TRAPPC9: variants seen among roughly 807,000 people sequenced by gnomAD.
TRAPPC9 encodes IKK2 binding protein.
A neutral mutation model predicts 124.0 loss-of-function variants in TRAPPC9; 83 were observed. The ratio of observed to expected loss-of-function variants is 0.67; its 90% CI spans 0.56 to 0.80. The LOEUF (loss-of-function observed/expected upper bound fraction) is 0.80, where lower values mean the gene tolerates loss of function less well. Ranked by LOEUF, TRAPPC9 falls within the 30% of genes least tolerant of loss-of-function variation. The pLI, the probability that TRAPPC9 is intolerant of heterozygous loss-of-function variation, is 0.00. For synonymous variants in TRAPPC9, 638 were observed against 617.5 expected, an observed-to-expected ratio of 1.03 and a Z score of -0.49; for missense variants, 1,302 against 1,508.3, an observed-to-expected ratio of 0.86 and a Z score of 2.27.
intron 17 of TRAPPC9, among the ~76,000 whole-genome samples, chr8:140,183,885 AGAAGAGGAGAGGAGAGGAGAGGAGAG>A (rs1380941558): frequency 2.8e-4 from 6 of 21,544 alleles, no homozygotes; most frequent in Admixed American, 2.3e-3. Flanking sequence ...AAGAAGAAGA[AGAAGAGGAGAGGAGAGGAGAGGAGAG>A]GAGAGGAGAG....
chr8:139,922,180 T>A (rs899465136), intron 19 of TRAPPC9, among the ~76,000 whole-genome samples: 6 of 145,224 alleles, frequency 4.1e-5, no homozygotes, highest in African/African-American at 1.3e-4. Context: ...TGAAATGGTT[T>A]GGTGTTTTTT....
intron 4 of TRAPPC9, among the ~76,000 whole-genome samples, chr8:140,430,888 C>T (rs1384340327): frequency 6.6e-6 from 1 of 152,086 alleles, no homozygotes; most frequent in Non-Finnish European, 1.5e-5. Flanking sequence ...GATCCATGCA[C>T]TGTGGCCTCC....
At chr8:139,744,795 TGAG>T (rs774093845) in intron 21 of TRAPPC9, among the ~76,000 whole-genome samples, 1 of 152,258 alleles carries the variant, frequency 6.6e-6, no homozygotes, top group Non-Finnish European at 1.5e-5. Context: ...GAACAGCTCC[TGAG>T]GAGCTGTTGG....
At chr8:140,131,590 C>T (rs910553247) in intron 17 of TRAPPC9, among the ~76,000 whole-genome samples, 1 of 152,230 alleles carries the variant, frequency 6.6e-6, no homozygotes, top group Non-Finnish European at 1.5e-5. Context: ...CTGCACACCG[C>T]TTCTCCTAGA....
intron 19 of TRAPPC9, among the ~76,000 whole-genome samples, chr8:139,939,285 A>G (rs1833749993): frequency 6.6e-6 from 1 of 152,194 alleles, no homozygotes; most frequent in Non-Finnish European, 1.5e-5. Context: ...GGAGAGGTCA[A>G]GGAGCATAGG....
chr8:140,297,828 G>A (rs541407906), intron 11 of TRAPPC9, among the ~76,000 whole-genome samples: 4 of 152,354 alleles, frequency 2.6e-5, no homozygotes, highest in South Asian at 4.1e-4. Flanking sequence ...AACTTCTCAC[G>A]TTTGTGTCTT....
chr8:140,165,819 C>G (rs939243547), intron 17 of TRAPPC9, among the ~76,000 whole-genome samples: 8 of 152,144 alleles, frequency 5.3e-5, no homozygotes, highest in Admixed American at 5.2e-4. Context: ...GCCACTCTAT[C>G]CTGGTGCCTC....
intron 21 of TRAPPC9, among the ~76,000 whole-genome samples, chr8:139,798,992 C>T (rs1018493818): frequency 3.3e-5 from 5 of 152,130 alleles, no homozygotes; most frequent in Non-Finnish European, 4.4e-5. Flanking sequence ...CCAATCGTGG[C>T]CTCCTACTCT....
intron 21 of TRAPPC9, among the ~76,000 whole-genome samples, chr8:139,773,627 C>T (rs1161123886): frequency 4.6e-5 from 7 of 152,200 alleles, no homozygotes; most frequent in African/African-American, 1.7e-4. Flanking sequence ...ACCTTCCCCA[C>T]AGCCCCCACC....
At chr8:140,205,805 C>G (rs772635304) in intron 17 of TRAPPC9, among the ~76,000 whole-genome samples, 7 of 152,338 alleles carry the variant, frequency 4.6e-5, no homozygotes, top group African/African-American at 1.7e-4. Context: ...GAGTCACCAT[C>G]TGCCCAACCA....
rs551076226 is a variant in TRAPPC9 at position 140,007,552 on chromosome 8, A to AGAGAAC, written c.2699+16379_2699+16384dup. ...CTACAATGATTAAACAAAGAAACGA[A>AGAGAAC]GAGAACTTTAAAAATGCAAAATGCA... On this transcript the variant is annotated intron_variant, in intron 18 of 22. Transcript: ENST00000438773. Among the ~76,000 whole-genome samples, 643 of 152,348 alleles carry AGAGAAC rather than the reference A, an allele frequency of 4.2e-3. 2 individuals carry two copies. Among genetic ancestry groups the AGAGAAC allele is most frequent in the Middle Eastern group, 0.01 (3 of 294 alleles).
rs149499672 is a variant in TRAPPC9 at position 140,226,020 on chromosome 8, C to T, written c.2432-4437G>A. Reference sequence around the variant, plus strand: ...TTCTGGAAATGGTCAGAAGTTTTGGCCTGTAGAGGAAAGCAGAGTGAACAT... The same window carrying T: ...TTCTGGAAATGGTCAGAAGTTTTGGTCTGTAGAGGAAAGCAGAGTGAACAT... On this transcript the variant is annotated intron_variant, in intron 16 of 22. Transcript: ENST00000438773. Among the ~76,000 whole-genome samples, 516 of 152,238 alleles carry T rather than the reference C, an allele frequency of 3.4e-3. 1 individual carries two copies. The highest frequency in any genetic ancestry group is 5.5e-3 in the Non-Finnish European group (375 of 68,018).
chr8:139,835,991 C>T (rs1329091336), intron 21 of TRAPPC9, among the ~76,000 whole-genome samples: 1 of 148,898 alleles, frequency 6.7e-6, no homozygotes, highest in Admixed American at 6.7e-5. Context: ...GGGTGTAGCA[C>T]AAAGGGAAGC....
intron 10 of TRAPPC9, chr8:140,302,758 T>C (rs1249840296): frequency 6.6e-6 from 1 of 152,232 alleles, no homozygotes; most frequent in African/African-American, 2.4e-5. Context: ...GGGTGGGGAC[T>C]ACGACTGGCC....
Position 139,991,814 on chromosome 8 carries a change from C to T in TRAPPC9, c.2700-2978G>A, listed in dbSNP as rs1294205131. Among the ~76,000 whole-genome samples the T allele has an allele frequency of 5.3e-5, 8 of 151,960 alleles. No individual in the cohort carries two copies. The East Asian group carries it at 1.3e-3, about 26-fold the overall frequency. On this transcript the variant is annotated intron_variant, in intron 18 of 22. Coordinates refer to ENST00000438773, the MANE Select transcript of TRAPPC9 (RefSeq NM_001160372.4). ...AGGCTGCCAGGTGAAAAAAATAAGC[C>T]CTTTTTCAGCAAAGAGAGCAGTTAC...
chr8:140,085,455 C>A (rs917916234), intron 17 of TRAPPC9, among the ~76,000 whole-genome samples: 2 of 151,904 alleles, frequency 1.3e-5, no homozygotes, highest in African/African-American at 4.8e-5. Flanking sequence ...ACCATCCTTT[C>A]TTTTCCATGC....
intron 16 of TRAPPC9, 128 bp from the exon 17 acceptor site, chr8:140,221,711 C>T: frequency 7.7e-7 from 1 of 1,299,390 alleles, no homozygotes; most frequent in Non-Finnish European, 1.1e-6. Context: ...AATCTCTGCT[C>T]ACTGCAACCT....
At chr8:140,429,625 G>A (rs1237814183) in intron 4 of TRAPPC9, among the ~76,000 whole-genome samples, 3 of 151,938 alleles carry the variant, frequency 2.0e-5, no homozygotes, top group Admixed American at 6.6e-5. Context: ...GGCCAACATG[G>A]TGAACCCACA....
At chr8:140,377,727 T>A (rs1375659902) in intron 7 of TRAPPC9, among the ~76,000 whole-genome samples, 1 of 152,106 alleles carries the variant, frequency 6.6e-6, no homozygotes, top group Non-Finnish European at 1.5e-5. Context: ...CCATCACTCC[T>A]TTCCTAAACT....
Sources: gnomAD v4.1 joint callset for allele counts (sites outside exome capture counted in the v4.1 genomes callset) on GRCh38, gnomAD v4.1.1 for gene constraint, MANE v1.5 for transcripts, NCBI Gene and HGNC (gene_info 2026-07-23, HGNC 2026-07-21) for gene names.